The following ABCD2 variants were observed in gnomAD, a reference collection of about 807,000 sequenced individuals.
ABCD2 encodes the protein ATP binding cassette subfamily D member 2.
ABCD2 carries 36 observed loss-of-function variants against 70.9 expected under a neutral mutation model. The observed-to-expected ratio is 0.51, with a 90% CI of 0.39 to 0.67. The LOEUF is 0.67. Among genes scored for constraint, ABCD2 ranks in the 30% least tolerant of loss-of-function variants. The pLI is 0.00. For synonymous variants in ABCD2, 304 were observed against 306.9 expected (o/e 0.99, Z 0.10); for missense variants, 729 against 890.2 (o/e 0.82, Z 2.30).
intron 6 of ABCD2, among the ~76,000 whole-genome samples, chr12:39,594,942 A>G (rs1030603795): frequency 6.6e-6 from 1 of 152,126 alleles, no homozygotes; most frequent in Non-Finnish European, 1.5e-5. Flanking sequence ...AACCCTGTCA[A>G]TACAAATAAT....
chr12:39,566,263 G>A (rs1356718905), intron 9 of ABCD2, among the ~76,000 whole-genome samples: 7 of 151,958 alleles, frequency 4.6e-5, no homozygotes, highest in Non-Finnish European at 8.8e-5. Context: ...TGGTCCTGGA[G>A]TTTTTTTGGT....
intron 1 of ABCD2, among the ~76,000 whole-genome samples, chr12:39,617,782 G>A (rs974376718): frequency 6.6e-6 from 1 of 152,068 alleles, no homozygotes; most frequent in African/African-American, 2.4e-5. Context: ...AAATAATTCT[G>A]CTTGGTGATT....
the ABCD2 span, among the ~76,000 whole-genome samples, chr12:39,538,874 C>T: frequency 0.017 from 2,577 of 152,228 alleles, 80 homozygotes; most frequent in African/African-American, 0.058. Context: ...AGAAAGACGC[C>T]GTGCGGGTAC....
At chr12:39,577,196 A>G (rs538633675) in intron 8 of ABCD2, among the ~76,000 whole-genome samples, 1 of 152,226 alleles carries the variant, frequency 6.6e-6, no homozygotes, top group South Asian at 2.1e-4. Context: ...CGCTAATGAG[A>G]TAACAGATTT....
intron 3 of ABCD2, 78 bp from the exon 4 acceptor site, chr12:39,605,008 C>T: frequency 2.5e-6 from 3 of 1,181,542 alleles, no homozygotes; most frequent in Non-Finnish European, 2.3e-6. Context: ...ATCAGATAAG[C>T]TTCTTGACTT....
chr12:39,577,187 G>A (rs1256254063), intron 8 of ABCD2, among the ~76,000 whole-genome samples: 1 of 151,708 alleles, frequency 6.6e-6, no homozygotes, highest in Admixed American at 6.6e-5. Flanking sequence ...TGAGATAATC[G>A]CTAATGAGAT....
intron 9 of ABCD2, among the ~76,000 whole-genome samples, chr12:39,554,535 A>G (rs866507378): frequency 6.6e-6 from 1 of 152,178 alleles, no homozygotes; most frequent in African/African-American, 2.4e-5. Flanking sequence ...AGGAAATACA[A>G]TAGCAACTCA....
chr12:39,586,030 A>T, intron 7 of ABCD2, 122 bp downstream of exon 7: 1 of 866,068 alleles, frequency 1.2e-6, no homozygotes, highest in Non-Finnish European at 1.7e-6. Flanking sequence ...CTCCATCTTT[A>T]CACTTATGTG....
At chr12:39,591,551 A>G (rs1941746320) in intron 6 of ABCD2, among the ~76,000 whole-genome samples, 1 of 152,024 alleles carries the variant, frequency 6.6e-6, no homozygotes, top group Admixed American at 6.6e-5. Flanking sequence ...ATCTCTACTA[A>G]AAATGCAAAA....
intron 9 of ABCD2, among the ~76,000 whole-genome samples, chr12:39,566,811 A>T (rs1477243028): frequency 6.6e-6 from 1 of 152,234 alleles, no homozygotes; most frequent in African/African-American, 2.4e-5. Flanking sequence ...AATGTGTCCC[A>T]GAAATTCTGG....
chr12:39,567,133 GATGTCTATT>G (rs1941363007), intron 9 of ABCD2, among the ~76,000 whole-genome samples: 1 of 152,186 alleles, frequency 6.6e-6, no homozygotes, highest in African/African-American at 2.4e-5. Context: ...GAGTTCTGTA[GATGTCTATT>G]AGGTCTGCTT....
At chr12:39,616,764 A>G (rs1942120617) in intron 2 of ABCD2, among the ~76,000 whole-genome samples, 1 of 152,108 alleles carries the variant, frequency 6.6e-6, no homozygotes, top group African/African-American at 2.4e-5. Context: ...ACTGCATCAG[A>G]GATCTCTGAA....
intron 9 of ABCD2, among the ~76,000 whole-genome samples, chr12:39,572,889 C>A (rs1047608471): frequency 1.3e-5 from 2 of 152,062 alleles, no homozygotes; most frequent in African/African-American, 4.8e-5. Context: ...AAAAAATTTT[C>A]ATTGATTAAA....
intron 9 of ABCD2, among the ~76,000 whole-genome samples, chr12:39,572,668 A>G (rs2120590456): frequency 6.6e-6 from 1 of 152,306 alleles, no homozygotes; most frequent in African/African-American, 2.4e-5. Flanking sequence ...AAGGTCTAGA[A>G]GGGCTTCAAG....
Position 39,553,724 on chromosome 12 carries a change from CTTACA to C in ABCD2, c.*183_*187del. Reference sequence around the variant, plus strand: ...ATTAGTATAAGTCATAATGACTGACCTTACATAATGCATTTGTTTATTTTCTTCTG... The same window carrying C: ...ATTAGTATAAGTCATAATGACTGACCTAATGCATTTGTTTATTTTCTTCTG... On this transcript the variant is annotated 3_prime_UTR_variant, in exon 10 of 10. Coordinates refer to ENST00000308666, the MANE Select transcript of ABCD2 (RefSeq NM_005164.4). 1.7e-6 allele frequency: 1 copy of C among 572,768 alleles called. No individual in the cohort carries two copies. Among genetic ancestry groups the C allele is most frequent in the Non-Finnish European group, 3.1e-6 (1 of 324,636 alleles). The allele number at this position is 572,768 out of a possible 1,614,324, so 35.5% of individuals were successfully genotyped here.
At chr12:39,563,371 G>A (rs1429168482) in intron 9 of ABCD2, among the ~76,000 whole-genome samples, 3 of 152,072 alleles carry the variant, frequency 2.0e-5, no homozygotes, top group African/African-American at 7.2e-5. Flanking sequence ...CAGCCTGGGT[G>A]ACAGAGTGAG....
intron 8 of ABCD2, among the ~76,000 whole-genome samples, chr12:39,574,883 C>T (rs1186121899): frequency 2.6e-5 from 4 of 151,964 alleles, no homozygotes; most frequent in South Asian, 2.1e-4. Context: ...AGTTACCTAC[C>T]ACAGGTCAGG....
At chr12:39,546,724 A>G (rs1941028535), downstream of ABCD2, among the ~76,000 whole-genome samples, 1 of 152,138 alleles carries the variant, frequency 6.6e-6, no homozygotes. Flanking sequence ...AAAGTCCTCT[A>G]TAGTCATAAT....
chr12:39,554,558 C>T (rs897023551), intron 9 of ABCD2, among the ~76,000 whole-genome samples: 3 of 152,016 alleles, frequency 2.0e-5, no homozygotes, highest in Non-Finnish European at 4.4e-5. Context: ...AATACACCAT[C>T]CTTTGGGAAT....
Sources: allele counts gnomAD v4.1 joint callset (sites outside exome capture counted in the v4.1 genomes callset), GRCh38; gene constraint gnomAD v4.1.1; transcripts MANE v1.5; gene names NCBI Gene and HGNC (gene_info 2026-07-23, HGNC 2026-07-21).